STXBP5L: variants seen among roughly 807,000 people sequenced by gnomAD.
STXBP5L encodes syntaxin-binding protein 5-like.
A neutral mutation model predicts 144.5 loss-of-function variants in STXBP5L; 65 were observed. The ratio of observed to expected loss-of-function variants is 0.45; its 90% CI spans 0.37 to 0.55. The LOEUF (loss-of-function observed/expected upper bound fraction) is 0.55, where lower values mean the gene tolerates loss of function less well. Ranked by LOEUF, STXBP5L falls within the 20% of genes least tolerant of loss-of-function variation. The probability of loss-of-function intolerance (pLI) is 0.00; values close to 1 mark genes in which losing one functional copy is unlikely to be tolerated. For missense variants in STXBP5L, 1,298 were observed against 1,405.5 expected, an observed-to-expected ratio of 0.92 and a Z score of 1.22; for synonymous variants, 505 against 469.6, an observed-to-expected ratio of 1.08 and a Z score of -0.97.
At chr3:121,146,800 T>A (rs2045727472) in intron 7 of STXBP5L, among the ~76,000 whole-genome samples, 1 of 152,098 alleles carries the variant, frequency 6.6e-6, no homozygotes, top group Non-Finnish European at 1.5e-5. Flanking sequence ...TAAATTTGTA[T>A]ATGCCTAATG....
chr3:121,398,561 G>A (rs531463299), intron 22 of STXBP5L, among the ~76,000 whole-genome samples: 15 of 152,268 alleles, frequency 9.9e-5, no homozygotes, highest in African/African-American at 3.6e-4. Flanking sequence ...ACATATTTCA[G>A]GCTCAGCAGT....
At chr3:121,136,587 G>A (rs770608440) in intron 7 of STXBP5L, among the ~76,000 whole-genome samples, 3 of 152,190 alleles carry the variant, frequency 2.0e-5, no homozygotes, top group Non-Finnish European at 4.4e-5. Flanking sequence ...ACAGATGCCA[G>A]CAAGGTTGGA....
At chr3:120,979,776 A>G (rs577711119) in intron 3 of STXBP5L, among the ~76,000 whole-genome samples, 1 of 152,108 alleles carries the variant, frequency 6.6e-6, no homozygotes, top group South Asian at 2.1e-4. Context: ...TTGTTCTGCT[A>G]CCTTTGGCTT....
intron 19 of STXBP5L, among the ~76,000 whole-genome samples, chr3:121,314,590 AGAGG>A (rs2043709550): frequency 2.4e-3 from 1 of 418 alleles, no homozygotes; most frequent in Non-Finnish European, 0.033. Context: ...CCGTGGAGGG[AGAGG>A]GAGAGGGAGA....
rs146756166 is a variant in STXBP5L at position 121,376,469 on chromosome 3, G to A, written c.2177-2247G>A. On this transcript the variant is annotated intron_variant, in intron 20 of 26. Coordinates refer to ENST00000471454, the MANE Select transcript of STXBP5L (RefSeq NM_001308330.2). The stretch of plus-strand genomic sequence containing the variant: ...TGTATACGGCTAGCCGGTTTTCCCA[G>A]CACCATTGATTAAATAGGGAATTCT... Among the ~76,000 whole-genome samples the A allele has an allele frequency of 5.8e-4, 88 of 152,292 alleles. 2 individuals are homozygous for A. The South Asian group carries it at 0.015, about 26-fold the overall frequency.
chr3:121,373,727 G>T (rs1576311552), intron 20 of STXBP5L, among the ~76,000 whole-genome samples: 1 of 152,246 alleles, frequency 6.6e-6, no homozygotes, highest in Middle Eastern at 3.4e-3. Flanking sequence ...ACTAGTGCCT[G>T]TATATCACAC....
intron 20 of STXBP5L, among the ~76,000 whole-genome samples, chr3:121,332,206 C>A (rs961050495): frequency 1.3e-5 from 2 of 151,406 alleles, no homozygotes; most frequent in Non-Finnish European, 2.9e-5. Context: ...TACTGTAGTA[C>A]CCCCAAAAGA....
rs114217061 is a variant in STXBP5L at position 121,128,465 on chromosome 3, G to A, written c.669+6761G>A. On this transcript the variant is annotated intron_variant, in intron 7 of 26. Transcript: ENST00000471454. Reference sequence around the variant, plus strand: ...AGACTGTCTTCACTTAACCTAATAAGAAATGCCCTAGAAAGGAAAATATTA... The same window carrying A: ...AGACTGTCTTCACTTAACCTAATAAAAAATGCCCTAGAAAGGAAAATATTA... Among the ~76,000 whole-genome samples, 466 of 152,204 alleles carry A rather than the reference G, an allele frequency of 3.1e-3. 5 individuals carry two copies. The highest frequency in any genetic ancestry group is 0.011 in the African/African-American group (449 of 41,552).
intron 9 of STXBP5L, among the ~76,000 whole-genome samples, chr3:121,184,145 A>G (rs2047273812): frequency 6.6e-6 from 1 of 152,080 alleles, no homozygotes; most frequent in African/African-American, 2.4e-5. Context: ...AATAAACCAG[A>G]ATGCCTCTTC....
At chr3:121,408,756 A>T (rs1351842797) in intron 23 of STXBP5L, among the ~76,000 whole-genome samples, 2 of 151,972 alleles carry the variant, frequency 1.3e-5, no homozygotes, top group Non-Finnish European at 2.9e-5. Flanking sequence ...GGAGAAGTTG[A>T]GATAGGCTTT....
intron 20 of STXBP5L, among the ~76,000 whole-genome samples, chr3:121,348,673 G>A (rs866014170): frequency 2.4e-4 from 37 of 151,870 alleles, no homozygotes; most frequent in Non-Finnish European, 4.7e-4. Flanking sequence ...ACTTCTTCCT[G>A]GTTTAGTCTT....
At chr3:121,065,590 C>G (rs1321759819) in intron 5 of STXBP5L, among the ~76,000 whole-genome samples, 1 of 152,016 alleles carries the variant, frequency 6.6e-6, no homozygotes, top group Non-Finnish European at 1.5e-5. Flanking sequence ...AATGTTTTTT[C>G]AGAGATAGAG....
chr3:121,053,361 C>T (rs958079819), intron 5 of STXBP5L, among the ~76,000 whole-genome samples: 1 of 152,052 alleles, frequency 6.6e-6, no homozygotes, highest in Non-Finnish European at 1.5e-5. Flanking sequence ...GCTACAGTAA[C>T]CAAAACAGCA....
intron 11 of STXBP5L, among the ~76,000 whole-genome samples, chr3:121,226,280 A>C (rs2049121797): frequency 6.6e-6 from 1 of 152,186 alleles, no homozygotes; most frequent in Non-Finnish European, 1.5e-5. Flanking sequence ...AAAGATAAGT[A>C]AAGTGGCAGA....
intron 3 of STXBP5L, among the ~76,000 whole-genome samples, chr3:120,989,069 G>A (rs77226484): frequency 0.019 from 2,939 of 151,892 alleles, 103 homozygotes; most frequent in African/African-American, 0.067. Flanking sequence ...ACTATCCATC[G>A]ATAGACACTT....
intron 5 of STXBP5L, among the ~76,000 whole-genome samples, chr3:121,056,125 T>C (rs1441525130): frequency 6.6e-6 from 1 of 152,166 alleles, no homozygotes; most frequent in South Asian, 2.1e-4. Flanking sequence ...ATTAAAGCCT[T>C]TCTGGTGGAT....
At chr3:120,914,891 G>T (rs1291012054) in intron 2 of STXBP5L, among the ~76,000 whole-genome samples, 1 of 151,986 alleles carries the variant, frequency 6.6e-6, no homozygotes, top group Non-Finnish European at 1.5e-5. Context: ...TTAAGAACCA[G>T]AAACCAAAGC....
chr3:121,255,222 T>C (rs2050165852), intron 16 of STXBP5L, 110 bp downstream of exon 16: 2 of 672,850 alleles, frequency 3.0e-6, no homozygotes, highest in Non-Finnish European at 2.3e-6. Flanking sequence ...AGTATGTGGC[T>C]AGTAATACAA....
At chr3:121,317,646 A>C (rs542723707) in intron 19 of STXBP5L, among the ~76,000 whole-genome samples, 1 of 152,258 alleles carries the variant, frequency 6.6e-6, no homozygotes, top group African/African-American at 2.4e-5. Flanking sequence ...ACTTTCTAAC[A>C]AAGATAGAAA....
Sources: gnomAD v4.1 joint callset for allele counts (sites outside exome capture counted in the v4.1 genomes callset) on GRCh38, gnomAD v4.1.1 for gene constraint, MANE v1.5 for transcripts, NCBI Gene and HGNC (gene_info 2026-07-23, HGNC 2026-07-21) for gene names.